Variants in ERC1 observed in about 807,000 individuals in gnomAD.
ERC1 encodes the protein RAB6 interacting protein 2.
A neutral mutation model predicts 132.0 loss-of-function variants in ERC1; 56 were observed. That is an observed-to-expected ratio of 0.42 (90% CI 0.34 to 0.53). The LOEUF is 0.53. Ranked by LOEUF, ERC1 falls within the 20% of genes least tolerant of loss-of-function variation. ERC1 has a pLI of 0.03. For synonymous variants in ERC1, 478 were observed against 476.1 expected, an observed-to-expected ratio of 1.00 and a Z score of -0.05; for missense variants, 1,202 against 1,349.9, an observed-to-expected ratio of 0.89 and a Z score of 1.72.
intron 2 of ERC1, among the ~76,000 whole-genome samples, chr12:1,057,297 T>C (rs1973144861): frequency 1.3e-5 from 2 of 151,874 alleles, no homozygotes; most frequent in South Asian, 4.2e-4. Context: ...CTAATTTTTG[T>C]GTTTTTAGTA....
In ERC1 at chr12:1,319,552, A is replaced by C. The variant is rs117700409; in HGVS notation, c.2780+29540A>C. Among the ~76,000 whole-genome samples, 1,094 of 152,336 alleles carry C rather than the reference A, an allele frequency of 7.2e-3. 10 individuals are homozygous for C. Among genetic ancestry groups the C allele is most frequent in the Non-Finnish European group, 0.012 (809 of 68,018 alleles). On this transcript the variant is annotated intron_variant, in intron 15 of 18. Coordinates refer to ENST00000360905, the MANE Select transcript of ERC1 (RefSeq NM_178040.4). Reference sequence around the variant, plus strand: ...GATATTTATTATTTTCTTTCAAGTAAATAAACAACCATTATCCATGCATAG... The same window carrying C: ...GATATTTATTATTTTCTTTCAAGTACATAAACAACCATTATCCATGCATAG...
chr12:1,335,810 T>C (rs1244331085), intron 15 of ERC1, among the ~76,000 whole-genome samples: 2 of 152,226 alleles, frequency 1.3e-5, no homozygotes, highest in Non-Finnish European at 2.9e-5. Flanking sequence ...GTACCAGCCC[T>C]TCTTTGTACA....
intron 15 of ERC1, among the ~76,000 whole-genome samples, chr12:1,355,197 G>A (rs1007785485): frequency 6.6e-6 from 1 of 152,010 alleles, no homozygotes; most frequent in Non-Finnish European, 1.5e-5. Context: ...AAGCAAATGA[G>A]CAAGGTTTTG....
intron 2 of ERC1, among the ~76,000 whole-genome samples, chr12:1,035,442 A>G (rs1051397805): frequency 6.6e-6 from 1 of 152,198 alleles, no homozygotes; most frequent in Non-Finnish European, 1.5e-5. Flanking sequence ...ATACTCAGCA[A>G]TTTTTATGTC....
chr12:1,303,825 A>T (rs2080612924), intron 15 of ERC1, among the ~76,000 whole-genome samples: 1 of 151,522 alleles, frequency 6.6e-6, no homozygotes, highest in South Asian at 2.1e-4. Flanking sequence ...GTGGTGGCGC[A>T]TGCCTGTAAT....
At chr12:1,280,733 G>C (rs193150294) in intron 14 of ERC1, among the ~76,000 whole-genome samples, 31 of 152,088 alleles carry the variant, frequency 2.0e-4, no homozygotes, top group African/African-American at 7.2e-4. Flanking sequence ...AAACATACAC[G>C]TATCATATAT....
chr12:1,436,154 G>A (rs1050387129), intron 17 of ERC1, among the ~76,000 whole-genome samples: 1 of 128,748 alleles, frequency 7.8e-6, no homozygotes, highest in East Asian at 2.0e-4. Flanking sequence ...ACAGACAGAC[G>A]GACACACACA....
intron 14 of ERC1, among the ~76,000 whole-genome samples, chr12:1,267,671 A>C (rs529260700): frequency 6.6e-6 from 1 of 152,258 alleles, no homozygotes; most frequent in African/African-American, 2.4e-5. Flanking sequence ...CTGAGGTGAG[A>C]GGATCACCTG....
intron 2 of ERC1, among the ~76,000 whole-genome samples, chr12:1,079,131 G>T (rs1941819125): frequency 7.0e-6 from 1 of 143,194 alleles, no homozygotes; most frequent in Admixed American, 6.9e-5. Flanking sequence ...ATATAGAAAT[G>T]ATTTGTAATA....
chr12:1,335,882 TTTGG>T (rs140091838), intron 15 of ERC1, among the ~76,000 whole-genome samples: 7,797 of 151,894 alleles, frequency 0.051, 262 homozygotes, highest in Non-Finnish European at 0.075. Flanking sequence ...TGTTTATTTA[TTTGG>T]TTGGTTGGTT....
chr12:1,146,977 T>C (rs2154252187), intron 8 of ERC1, among the ~76,000 whole-genome samples: 1 of 152,376 alleles, frequency 6.6e-6, no homozygotes, highest in Middle Eastern at 3.4e-3. Flanking sequence ...GGCTGCATAG[T>C]ATTCCATGGT....
intron 16 of ERC1, among the ~76,000 whole-genome samples, chr12:1,403,268 G>A (rs1429709917): frequency 2.0e-5 from 3 of 152,100 alleles, no homozygotes; most frequent in Admixed American, 1.3e-4. Flanking sequence ...GGGACCAGGG[G>A]TTTCATCTCC....
chr12:1,163,825 C>T (rs564225184), intron 8 of ERC1, among the ~76,000 whole-genome samples: 2 of 152,298 alleles, frequency 1.3e-5, no homozygotes, highest in South Asian at 2.1e-4. Context: ...AAGCAATTCT[C>T]ATGCCTCAGC....
At chr12:1,256,418 TAAAA>T (rs796558976) in intron 13 of ERC1, among the ~76,000 whole-genome samples, 2 of 123,676 alleles carry the variant, frequency 1.6e-5, no homozygotes. Context: ...GTTCTCAGAC[TAAAA>T]AAAAAAAAAA....
chr12:1,060,992 G>A (rs1266156437), intron 2 of ERC1, among the ~76,000 whole-genome samples: 1 of 152,170 alleles, frequency 6.6e-6, no homozygotes, highest in Non-Finnish European at 1.5e-5. Context: ...CCCCCAAAGT[G>A]CTGGGATTAC....
chr12:1,282,686 G>A (rs1010012670), intron 14 of ERC1, among the ~76,000 whole-genome samples: 3 of 152,196 alleles, frequency 2.0e-5, no homozygotes, highest in African/African-American at 7.2e-5. Flanking sequence ...GTAGGTATAT[G>A]TGTATATATG....
At chr12:1,431,936 G>A (rs2092808689) in intron 17 of ERC1, among the ~76,000 whole-genome samples, 1 of 152,186 alleles carries the variant, frequency 6.6e-6, no homozygotes, top group African/African-American at 2.4e-5. Flanking sequence ...GTGCAGTGGT[G>A]CAATCGCAGT....
chr12:1,303,859 C>A (rs145092844), intron 15 of ERC1, among the ~76,000 whole-genome samples: 1,979 of 149,586 alleles, frequency 0.013, 38 homozygotes, highest in African/African-American at 0.046. Context: ...GAGGCTGAGG[C>A]AGGAGAATTG....
chr12:1,031,791 G>A (rs1028243690), intron 2 of ERC1, among the ~76,000 whole-genome samples: 1 of 151,966 alleles, frequency 6.6e-6, no homozygotes, highest in Non-Finnish European at 1.5e-5. Flanking sequence ...AATGTGTAAA[G>A]AAAGAAAAAA....
Sources: gnomAD v4.1 joint callset for allele counts (sites outside exome capture counted in the v4.1 genomes callset) on GRCh38, gnomAD v4.1.1 for gene constraint, MANE v1.5 for transcripts, NCBI Gene and HGNC (gene_info 2026-07-23, HGNC 2026-07-21) for gene names.